Variants in C6orf89 observed in about 807,000 individuals in gnomAD.
The protein encoded by C6orf89 is chromosome 6 open reading frame 89.
A neutral mutation model predicts 40.7 loss-of-function variants in C6orf89; 29 were observed. The ratio of observed to expected loss-of-function variants is 0.71; its 90% CI spans 0.53 to 0.97. C6orf89 has a LOEUF of 0.97. Ranked by LOEUF, C6orf89 falls within the 50% of genes least tolerant of loss-of-function variation. The pLI is 0.00. For synonymous variants in C6orf89, 165 were observed against 152.2 expected (o/e 1.08, Z -0.62); for missense variants, 392 against 429.1 (o/e 0.91, Z 0.76).
intron 4 of C6orf89, among the ~76,000 whole-genome samples, chr6:36,903,851 G>T (rs1225677294): frequency 6.7e-6 from 1 of 149,846 alleles, no homozygotes; most frequent in African/African-American, 2.5e-5. Flanking sequence ...AGGAGTTTTT[G>T]TTTTTTTTTA....
In C6orf89 at chr6:36,923,527, T is replaced by C. The variant is rs771736584; in HGVS notation, c.*86T>C. ...ATAAAAACAAAAACGATGAAACTGC[T>C]TTCTGGGGGTTGGTTACTTAGTTAC... On this transcript the variant is annotated 3_prime_UTR_variant, in exon 9 of 9. Transcript: ENST00000480824. The C allele has an allele frequency of 3.5e-5, 36 of 1,038,536 alleles. 1 individual carries two copies. The South Asian group carries it at 4.3e-4, about 12-fold the overall frequency. The allele number at this position is 1,038,536 out of a possible 1,614,324, so 64.3% of individuals were successfully genotyped here. A position where few individuals can be genotyped will look rare whatever the true frequency, so the allele number is the denominator to read the frequency against.
At chr6:36,911,498 AT>A (rs1276550862) in intron 4 of C6orf89, among the ~76,000 whole-genome samples, 15 of 151,830 alleles carry the variant, frequency 9.9e-5, no homozygotes, top group African/African-American at 2.7e-4. Flanking sequence ...TCCAAAAAAA[AT>A]AATAATAATA....
intron 1 of C6orf89, among the ~76,000 whole-genome samples, chr6:36,889,593 AG>A (rs1284510505): frequency 6.6e-6 from 1 of 152,050 alleles, no homozygotes; most frequent in East Asian, 1.9e-4. Flanking sequence ...AAAAAAAAAA[AG>A]AAAAACCACA....
At chr6:36,885,899 A>G, upstream of C6orf89, 1 of 629,336 alleles carries the variant, frequency 1.6e-6, no homozygotes, top group Non-Finnish European at 2.0e-6. Flanking sequence ...ACTCTAGGGT[A>G]CAAGGCCTCG....
intron 2 of C6orf89, among the ~76,000 whole-genome samples, chr6:36,898,933 G>A (rs1399159449): frequency 2.0e-5 from 3 of 152,200 alleles, no homozygotes; most frequent in East Asian, 3.8e-4. Flanking sequence ...AAGCTTATCA[G>A]CCTGTTGCTC....
upstream of C6orf89, among the ~76,000 whole-genome samples, chr6:36,882,472 A>T (rs1774839698): frequency 6.6e-6 from 1 of 152,260 alleles, no homozygotes; most frequent in Non-Finnish European, 1.5e-5. Context: ...GGACTCATGA[A>T]GAACCAGGAT....
At chr6:36,888,391 G>A (rs1775071841) in intron 1 of C6orf89, among the ~76,000 whole-genome samples, 1 of 152,184 alleles carries the variant, frequency 6.6e-6, no homozygotes, top group Non-Finnish European at 1.5e-5. Context: ...TAGCACTTTG[G>A]GAGGCTAAGG....
rs187556997 is a variant in C6orf89 at position 36,925,662 on chromosome 6, A to G, written c.*2221A>G. On this transcript the variant is annotated 3_prime_UTR_variant, in exon 9 of 9. Transcript: ENST00000480824. ...TTTCTACATACACAGAAGCAGTTCA[A>G]CTTCTCAAGTTAATTTTGATAAGCA... 2.0e-5 allele frequency: 3 copies of G among 152,234 alleles called. No individual in the cohort carries two copies. Among genetic ancestry groups the G allele is most frequent in the African/African-American group, 4.8e-5 (2 of 41,456 alleles). The allele number at this position is 152,234 out of a possible 1,614,324, so 9.4% of individuals were successfully genotyped here. A position where few individuals can be genotyped will look rare whatever the true frequency, so the allele number is the denominator to read the frequency against.
At chr6:36,889,301 T>TC (rs752715898) in intron 1 of C6orf89, among the ~76,000 whole-genome samples, 33 of 152,260 alleles carry the variant, frequency 2.2e-4, no homozygotes, top group Non-Finnish European at 3.7e-4. Flanking sequence ...GAAAGCAATG[T>TC]CGGTGGAGTG....
chr6:36,910,536 T>C (rs951471789), intron 4 of C6orf89, among the ~76,000 whole-genome samples: 2 of 152,182 alleles, frequency 1.3e-5, no homozygotes, highest in Non-Finnish European at 2.9e-5. Context: ...AAGACCAGCC[T>C]GAGCAACATG....
intron 1 of C6orf89, among the ~76,000 whole-genome samples, chr6:36,887,060 G>C (rs1420696713): frequency 1.3e-5 from 2 of 151,960 alleles, no homozygotes; most frequent in Non-Finnish European, 2.9e-5. Flanking sequence ...CCAAATGCTA[G>C]ATTCCTAACC....
In C6orf89 at chr6:36,902,216, T is replaced by G. The variant is rs758007131; in HGVS notation, c.190-5T>G. The G allele has an allele frequency of 3.1e-6, 5 of 1,613,694 alleles. No homozygotes were observed. The East Asian group carries it at 1.1e-4, about 36-fold the overall frequency. ...GATTAATGCCTTTTCTATCTTTCCTTGTAGGTTCTCGCAACCTTGGGATTA... is the reference window on the plus strand; with the variant it reads ...GATTAATGCCTTTTCTATCTTTCCTGGTAGGTTCTCGCAACCTTGGGATTA... On this transcript the variant is annotated splice_polypyrimidine_tract_variant and splice_region_variant and intron_variant, in intron 3 of 8. Coordinates refer to ENST00000480824, the MANE Select transcript of C6orf89 (RefSeq NM_001286635.2).
chr6:36,914,266 T>C lies in C6orf89; in HGVS notation c.404-18T>C. The C allele has an allele frequency of 6.2e-7, 1 of 1,608,270 alleles. No individual in the cohort carries two copies. On this transcript the variant is annotated intron_variant, in intron 4 of 8. Coordinates refer to ENST00000480824, the MANE Select transcript of C6orf89 (RefSeq NM_001286635.2). Reference sequence around the variant, plus strand: ...GCTCTTTCAGTATCTGTTTTCTCCATATCCCTTCCTCTCTCAGACTTTGAC... The same window carrying C: ...GCTCTTTCAGTATCTGTTTTCTCCACATCCCTTCCTCTCTCAGACTTTGAC...
At chr6:36,883,930 C>G (rs1278857577), upstream of C6orf89, among the ~76,000 whole-genome samples, 1 of 152,122 alleles carries the variant, frequency 6.6e-6, no homozygotes, top group Non-Finnish European at 1.5e-5. Context: ...CAGCTGTTGA[C>G]ACCTGTGGCC....
In C6orf89 at chr6:36,926,705, T is replaced by C. The variant is rs1391898470; in HGVS notation, c.*3264T>C. ...ATTCCAGTTTACAAAGTGCCTGATA[T>C]ACATGATCTCCTTTAATCTTCACCC... On this transcript the variant is annotated 3_prime_UTR_variant, in exon 9 of 9. Transcript: ENST00000480824. The C allele has an allele frequency of 1.3e-5, 2 of 152,192 alleles. No homozygotes were observed. Among genetic ancestry groups the C allele is most frequent in the African/African-American group, 2.4e-5 (1 of 41,444 alleles). 9.4% of individuals were successfully genotyped at this position (152,192 alleles called of 1,614,324 possible).
At chr6:36,879,342 A>G (rs936595102) in intron 2 of C6orf89, among the ~76,000 whole-genome samples, 3 of 152,108 alleles carry the variant, frequency 2.0e-5, no homozygotes, top group African/African-American at 7.2e-5. Flanking sequence ...TATCACATGT[A>G]TTTTGCTCTG....
At chr6:36,915,128 A>C (rs1046883235) in intron 6 of C6orf89, among the ~76,000 whole-genome samples, 1 of 152,204 alleles carries the variant, frequency 6.6e-6, no homozygotes, top group Admixed American at 6.5e-5. Context: ...CTGGGATCCC[A>C]CTGATAAACC....
chr6:36,912,077 T>TC (rs1762148925), intron 4 of C6orf89, among the ~76,000 whole-genome samples: 1 of 152,060 alleles, frequency 6.6e-6, no homozygotes, highest in Non-Finnish European at 1.5e-5. Context: ...CTCAAAAGCC[T>TC]CCAACAGTTC....
intron 1 of C6orf89, among the ~76,000 whole-genome samples, chr6:36,886,725 A>G (rs1206332166): frequency 6.6e-6 from 1 of 152,176 alleles, no homozygotes; most frequent in African/African-American, 2.4e-5. Context: ...ACTTCCAGAT[A>G]CTTAGTATTC....
Sources: allele counts gnomAD v4.1 joint callset (sites outside exome capture counted in the v4.1 genomes callset), GRCh38; gene constraint gnomAD v4.1.1; transcripts MANE v1.5; gene names NCBI Gene and HGNC (gene_info 2026-07-23, HGNC 2026-07-21).